The following KIAA2012 variants were observed in gnomAD, a reference collection of about 807,000 sequenced individuals.
KIAA2012 encodes the protein uncharacterized protein KIAA2012.
A neutral mutation model predicts 150.6 loss-of-function variants in KIAA2012; 125 were observed. The observed-to-expected ratio is 0.83, with a 90% CI of 0.72 to 0.96. The LOEUF (loss-of-function observed/expected upper bound fraction) is 0.96, where lower values mean the gene tolerates loss of function less well. Among genes scored for constraint, KIAA2012 ranks in the 40% least tolerant of loss-of-function variants. The pLI is 0.00. For missense variants in KIAA2012, 1,219 were observed against 1,354.9 expected (o/e 0.90, Z 1.57); for synonymous variants, 462 against 504.7 (o/e 0.92, Z 1.13).
At chr2:202,125,728 T>G (rs1191375326) in intron 12 of KIAA2012, 6 of 383,356 alleles carry the variant, frequency 1.6e-5, no homozygotes, top group Non-Finnish European at 3.0e-5. Context: ...AGGCCAGGTC[T>G]GCCTCTCCTC....
intron 2 of KIAA2012, among the ~76,000 whole-genome samples, chr2:202,080,523 G>A (rs941508202): frequency 5.9e-5 from 9 of 151,860 alleles, no homozygotes; most frequent in Admixed American, 3.9e-4. Context: ...GAGAAACCCC[G>A]TCTCTACTAA....
At chr2:202,184,583 T>C (rs1692186408) in intron 15 of KIAA2012, among the ~76,000 whole-genome samples, 170 bp from the exon 16 acceptor site, 1 of 152,184 alleles carries the variant, frequency 6.6e-6, no homozygotes, top group Admixed American at 6.5e-5. Context: ...TTACTTGCCA[T>C]GTGTCAGCCC....
chr2:202,166,882 A>G (rs1424559871), intron 15 of KIAA2012, among the ~76,000 whole-genome samples: 1 of 152,156 alleles, frequency 6.6e-6, no homozygotes, highest in African/African-American at 2.4e-5. Flanking sequence ...TCCAAATCAA[A>G]GTGGCTTTGA....
chr2:202,156,462 T>C (rs189058355), intron 14 of KIAA2012, among the ~76,000 whole-genome samples: 9 of 152,262 alleles, frequency 5.9e-5, no homozygotes, highest in African/African-American at 2.2e-4. Flanking sequence ...TGTTTGGCAG[T>C]TTCTGGGCAT....
At chr2:202,097,702 G>C in intron 5 of KIAA2012, 125 bp downstream of exon 5, 1 of 1,104,784 alleles carries the variant, frequency 9.1e-7, no homozygotes, top group Admixed American at 2.6e-5. Flanking sequence ...CATTTCTCCT[G>C]CCTCAGCCTC....
intron 9 of KIAA2012, chr2:202,106,145 T>A: frequency 2.6e-6 from 3 of 1,169,894 alleles, no homozygotes; most frequent in African/African-American, 1.5e-5. Context: ...CCACTGCTAA[T>A]ATTTTAACAG....
intron 13 of KIAA2012, among the ~76,000 whole-genome samples, chr2:202,142,246 T>C (rs897127416): frequency 3.3e-5 from 5 of 152,218 alleles, no homozygotes; most frequent in South Asian, 2.1e-4. Flanking sequence ...GGTATACTTA[T>C]ACACTTCTGG....
chr2:202,090,835 A>G lies in KIAA2012; in HGVS notation c.435A>G (p.Gln145=), dbSNP rs1689700168. 2 of 1,550,620 alleles carry G rather than the reference A, an allele frequency of 1.3e-6. No individual in the cohort carries two copies. The highest frequency in any genetic ancestry group is 4.9e-5 in the East Asian group (2 of 40,916). ...HFRSQLESQA[Q]RQIQPGHSAK... is the part of the protein sequence containing the mutation. ...GAAGCCAGCTGGAGAGCCAGGCCCA[A>G]CGGCAGATCCAGCCAGGGCATTCAG... The change falls in exon 3 of 24, where the codon CAA becomes CAG. Residue 145 remains glutamine (Q), a synonymous_variant. Coordinates refer to ENST00000498697, the MANE Select transcript of KIAA2012 (RefSeq NM_001277372.4).
intron 11 of KIAA2012, among the ~76,000 whole-genome samples, chr2:202,117,215 T>G (rs138029528): frequency 1.3e-5 from 2 of 152,350 alleles, no homozygotes; most frequent in South Asian, 2.1e-4. Context: ...AATAGATAAC[T>G]AGTATTCTAG....
rs115834791 is a variant in KIAA2012, at chr2:202,094,510, A to C, written c.685+1325A>C. 4.8e-3 allele frequency among the ~76,000 whole-genome samples: 722 copies of C among 149,784 alleles called. 6 individuals are homozygous for C. The highest frequency in any genetic ancestry group is 0.017 in the African/African-American group (692 of 40,714). The stretch of plus-strand genomic sequence containing the variant: ...CTTTCTTTTCTTTTTATTTTCTTTT[A>C]TTTTATTTTTTATTTTTTTTAGAGA... On this transcript the variant is annotated intron_variant, in intron 4 of 23. Coordinates refer to ENST00000498697, the MANE Select transcript of KIAA2012 (RefSeq NM_001277372.4).
At chr2:202,167,242 C>G (rs368337914) in intron 15 of KIAA2012, among the ~76,000 whole-genome samples, 1 of 152,040 alleles carries the variant, frequency 6.6e-6, no homozygotes. Context: ...AATTTCAATT[C>G]TTATTTCAAT....
At position 202,083,513 on chromosome 2, in the gene KIAA2012, G is replaced by A. The variant is rs547775855; in HGVS notation, c.370-7257G>A. ...GCCTTTGCCAGAGAACACTGACTCC[G>A]GCAAGACAGACTGAGGGCTAGGAGA... On this transcript the variant is annotated intron_variant, in intron 2 of 23. Coordinates refer to ENST00000498697, the MANE Select transcript of KIAA2012 (RefSeq NM_001277372.4). Among the ~76,000 whole-genome samples, 7 of 152,324 alleles carry A rather than the reference G, an allele frequency of 4.6e-5. No individual in the cohort carries two copies. In the South Asian group the frequency reaches 1.0e-3, roughly 23 times the overall value.
chr2:202,088,127 C>T (rs774587681), intron 2 of KIAA2012, among the ~76,000 whole-genome samples: 5 of 152,028 alleles, frequency 3.3e-5, no homozygotes, highest in Non-Finnish European at 5.9e-5. Flanking sequence ...ATTACTACCA[C>T]CATTTTATAA....
rs1690296278 is a variant in KIAA2012 at position 202,109,725 on chromosome 2, C to T, written c.1587C>T (p.Asp529=). Residue 529 remains aspartate, a synonymous_variant, in exon 10 of 24, where the codon GAC becomes GAT. Coordinates refer to ENST00000498697, the MANE Select transcript of KIAA2012 (RefSeq NM_001277372.4). ...QKGVDSPRTS[D]HNSPPSLPNM... ...GCGTGGACAGCCCTAGGACATCAGA[C>T]CACAACAGCCCCCCAAGTCTCCCGA... 1 of 1,550,342 alleles carries T rather than the reference C, an allele frequency of 6.5e-7. No homozygotes were observed. Among genetic ancestry groups the T allele is most frequent in the Non-Finnish European group, 8.7e-7 (1 of 1,146,884 alleles).
At chr2:202,114,676 C>T (rs1391301643) in intron 11 of KIAA2012, 1 of 166,010 alleles carries the variant, frequency 6.0e-6, no homozygotes, top group Non-Finnish European at 1.5e-5. Flanking sequence ...ATCCCTGGCA[C>T]CTAGCATAGT....
chr2:202,088,832 C>T lies in KIAA2012; in HGVS notation c.370-1938C>T, dbSNP rs536016124. Among the ~76,000 whole-genome samples the T allele has an allele frequency of 2.6e-5, 4 of 152,288 alleles. No homozygotes were observed. In the East Asian group the frequency reaches 5.8e-4, roughly 22 times the overall value. On this transcript the variant is annotated intron_variant, in intron 2 of 23. Coordinates refer to ENST00000498697, the MANE Select transcript of KIAA2012 (RefSeq NM_001277372.4). ...GCCAGGCACTGTGAAACCTGACTCT[C>T]GGGTTGATTCCAGAACCCATGCACT...
chr2:202,201,564 C>A, intron 22 of KIAA2012: 2 of 1,610,416 alleles, frequency 1.2e-6, no homozygotes. Context: ...ATCATACCCG[C>A]CTTCCACCAG....
At chr2:202,120,436 G>T (rs773591781) in intron 11 of KIAA2012, among the ~76,000 whole-genome samples, 1 of 152,190 alleles carries the variant, frequency 6.6e-6, no homozygotes, top group Non-Finnish European at 1.5e-5. Flanking sequence ...AAAGAGGTAT[G>T]ATTTGCTCAA....
chr2:202,152,739 TTATCTC>T (rs1483520446), intron 13 of KIAA2012, among the ~76,000 whole-genome samples: 2 of 152,172 alleles, frequency 1.3e-5, no homozygotes, highest in Non-Finnish European at 1.5e-5. Context: ...AGAAAAATCT[TTATCTC>T]TAGCCACATT....
Sources: allele counts gnomAD v4.1 joint callset (sites outside exome capture counted in the v4.1 genomes callset), GRCh38; gene constraint gnomAD v4.1.1; transcripts MANE v1.5; gene names NCBI Gene and HGNC (gene_info 2026-07-23, HGNC 2026-07-21).